Variants in ASNS observed in about 807,000 individuals in gnomAD.
ASNS encodes the protein asparagine synthetase [glutamine-hydrolyzing].
In ASNS, 37 loss-of-function variants were observed where a neutral mutation model predicts 62.6. The observed-to-expected ratio is 0.59, with a 90% CI of 0.45 to 0.78. ASNS has a LOEUF of 0.78. ASNS is among the 30% of genes least tolerant of loss of function. The pLI is 0.00. For missense variants in ASNS, 520 were observed against 682.4 expected (o/e 0.76, Z 2.65); for synonymous variants, 207 against 237.9 (o/e 0.87, Z 1.19).
chr7:97,874,502 T>A (rs1006368730), upstream of ASNS, among the ~76,000 whole-genome samples: 11 of 152,236 alleles, frequency 7.2e-5, no homozygotes, highest in African/African-American at 2.7e-4. Context: ...AGGGAAGTGA[T>A]AAGTTTAGTC....
Position 97,853,142 on chromosome 7 carries a change from C to A in ASNS, c.1394G>T (p.Arg465Leu). The A allele has an allele frequency of 6.2e-7, 1 of 1,611,366 alleles. No individual in the cohort carries two copies. Residue 465 changes from arginine (R) to leucine (L), a missense_variant, in exon 12 of 13, where the codon CGA (arginine) becomes CTA (leucine). Transcript: ENST00000394308. ...SNLIPKEILW[R>L]PKEAFSDGIT... ...TCCATCACTGAAGGCTTCTTTTGGT[C>A]GCCAGAGAATCTCTTTGGGTATCAG... is the stretch of plus-strand genomic sequence containing the variant.
Position 97,855,432 on chromosome 7 carries a change from C to T in ASNS, c.1058G>A (p.Arg353Gln), listed in dbSNP as rs377342766. ...GATCACCACGCTATCTGTGTTCTTC[C>T]GAATATACTTGGAAATTAAATACAT... ...VGMYLISKYI[R>Q]KNTDSVVIFS... is the part of the protein sequence containing the mutation. The change falls in exon 9 of 13, where the codon CGG becomes CAG. Residue 353 changes from arginine (R) to glutamine (Q), a missense_variant. Arg to Gln is a conservative substitution (Grantham distance 43). Coordinates refer to ENST00000394308, the MANE Select transcript of ASNS (RefSeq NM_001673.5). The T allele has an allele frequency of 7.4e-5, 120 of 1,610,822 alleles. No individual in the cohort carries two copies. Among genetic ancestry groups the T allele is most frequent in the Middle Eastern group, 3.9e-4 (2 of 5,190 alleles).
the ASNS span, among the ~76,000 whole-genome samples, chr7:97,894,493 A>G: frequency 1.4e-5 from 2 of 148,134 alleles, no homozygotes; most frequent in African/African-American, 4.9e-5. Context: ...AAAAAAAAAA[A>G]AAAAAAAAAA....
the ASNS span, among the ~76,000 whole-genome samples, chr7:97,882,040 C>T: frequency 1.2e-4 from 18 of 152,064 alleles, no homozygotes; most frequent in African/African-American, 4.3e-4. Context: ...TTAGTAGAAA[C>T]GAGGTCTCGT....
At chr7:97,900,360 C>CAAAAAAAAAA in the ASNS span, among the ~76,000 whole-genome samples, 5 of 89,360 alleles carry the variant, frequency 5.6e-5, no homozygotes, top group Admixed American at 2.5e-4. Context: ...GACTTTGTCT[C>CAAAAAAAAAA]AAAAAAAAAA....
At chr7:97,859,113 T>C in intron 5 of ASNS, 100 bp downstream of exon 5, 1 of 1,470,910 alleles carries the variant, frequency 6.8e-7, no homozygotes, top group Non-Finnish European at 9.2e-7. Flanking sequence ...AAATAGGAAG[T>C]AGGTCTTGAA....
At chr7:97,884,183 C>G in the ASNS span, among the ~76,000 whole-genome samples, 2 of 152,232 alleles carry the variant, frequency 1.3e-5, no homozygotes, top group Middle Eastern at 3.4e-3. Context: ...CCTAGCCCCT[C>G]TCTTTCTCCA....
intron 10 of ASNS, among the ~76,000 whole-genome samples, chr7:97,853,754 C>T (rs1409250270): frequency 1.3e-5 from 2 of 152,092 alleles, no homozygotes; most frequent in Non-Finnish European, 2.9e-5. Flanking sequence ...TAGGTGAGAC[C>T]ATCTCTTCTA....
chr7:97,886,308 C>T, the ASNS span, among the ~76,000 whole-genome samples: 8 of 152,012 alleles, frequency 5.3e-5, no homozygotes, highest in Admixed American at 2.0e-4. Context: ...GCACCATGCC[C>T]GGCTAATTTT....
At position 97,865,532 on chromosome 7, in the gene ASNS, GT is replaced by G. The variant is rs1465481947; in HGVS notation, c.250-1037del. Among the ~76,000 whole-genome samples, 4 of 152,272 alleles carry G rather than the reference GT, an allele frequency of 2.6e-5. 1 individual carries two copies. The highest frequency in any genetic ancestry group is 9.6e-5 in the African/African-American group (4 of 41,554). ...ATAAACTGACATGACCTCTTGTTCT[GT>G]TATGAATGCAGGTAGCTCTAGTCCT... On this transcript the variant is annotated intron_variant, in intron 3 of 12. Transcript: ENST00000394308.
At chr7:97,904,536 C>G in the ASNS span, among the ~76,000 whole-genome samples, 1 of 152,022 alleles carries the variant, frequency 6.6e-6, no homozygotes, top group Non-Finnish European at 1.5e-5. Context: ...AAGCAGGGAA[C>G]AGAGGGAGAA....
At chr7:97,918,398 C>T in the ASNS span, among the ~76,000 whole-genome samples, 75 of 152,096 alleles carry the variant, frequency 4.9e-4, no homozygotes, top group Admixed American at 2.0e-3. Flanking sequence ...ATCAGAACAC[C>T]GTCTGTGATT....
At chr7:97,909,753 C>T in the ASNS span, among the ~76,000 whole-genome samples, 1 of 152,208 alleles carries the variant, frequency 6.6e-6, no homozygotes, top group Non-Finnish European at 1.5e-5. Flanking sequence ...ACGCTTTTGG[C>T]AGCTCTGCTG....
At chr7:97,878,046 G>A in the ASNS span, among the ~76,000 whole-genome samples, 14 of 152,296 alleles carry the variant, frequency 9.2e-5, no homozygotes, top group African/African-American at 2.4e-4. Flanking sequence ...GGTTGTGAGC[G>A]CCAGGTGATG....
In ASNS at chr7:97,864,426, T is replaced by C. The variant is rs986092132; in HGVS notation, c.320A>G (p.Lys107Arg). ...ACAAATTGTTTGCTCAATTCCTCCT[T>C]TGTCATAAAGATGAAGGATTATCTC... ...DGEIILHLYD[K>R]GGIEQTICML... The change falls in exon 4 of 13, where the codon AAA becomes AGA. Residue 107 changes from lysine (K) to arginine (R), a missense_variant. Physicochemically the swap from Lys to Arg is conservative, Grantham distance 26 (BLOSUM62 2). Coordinates refer to ENST00000394308, the MANE Select transcript of ASNS (RefSeq NM_001673.5). 1.2e-6 allele frequency: 2 copies of C among 1,613,838 alleles called. No homozygotes were observed. The highest frequency in any genetic ancestry group is 1.3e-5 in the African/African-American group (1 of 74,914).
the ASNS span, chr7:97,898,890 C>T: frequency 2.4e-6 from 3 of 1,238,758 alleles, no homozygotes; most frequent in Admixed American, 1.7e-5. Flanking sequence ...AATGCAACTT[C>T]ATCATTCTGC....
Position 97,859,273 on chromosome 7 carries a change from G to A in ASNS, c.613C>T (p.His205Tyr), listed in dbSNP as rs1258978380. The A allele has an allele frequency of 9.9e-6, 16 of 1,614,106 alleles. No individual in the cohort carries two copies. The highest frequency in any genetic ancestry group is 1.3e-5 in the Non-Finnish European group (15 of 1,180,000). Residue 205 changes from histidine to tyrosine, a missense_variant, in exon 5 of 13, where the codon CAT becomes TAT. Coordinates refer to ENST00000394308, the MANE Select transcript of ASNS (RefSeq NM_001673.5). ...TGCAGGGGTACATCCCGACAGTGATGATATTTAACCATTTCCACGGATGCA... is the reference window on the plus strand; with the variant it reads ...TGCAGGGGTACATCCCGACAGTGATAATATTTAACCATTTCCACGGATGCA... Reference protein sequence around the residue: ...KVASVEMVKYHHCRDVPLHAL... With the variant: ...KVASVEMVKYYHCRDVPLHAL...
upstream of ASNS, among the ~76,000 whole-genome samples, chr7:97,875,613 C>T (rs570668187): frequency 2.6e-5 from 4 of 152,338 alleles, no homozygotes; most frequent in East Asian, 7.7e-4. Flanking sequence ...AGCCTCTTAA[C>T]ACTTCCACCT....
chr7:97,858,302 G>T lies in ASNS; in HGVS notation c.879C>A (p.Ser293Arg), dbSNP rs1313397179. 2 of 1,613,358 alleles carry T rather than the reference G, an allele frequency of 1.2e-6. No homozygotes were observed. Among genetic ancestry groups the T allele is most frequent in the Admixed American group, 1.7e-5 (1 of 60,022 alleles). The change falls in exon 7 of 13, where the codon AGC (serine) becomes AGA (arginine). Residue 293 changes from serine (S) to arginine (R), a missense_variant. Coordinates refer to ENST00000394308, the MANE Select transcript of ASNS (RefSeq NM_001673.5). ...LQTFAIGMED[S>R]PDLLAARKVA... ...CCTTTCTAGCAGCCAGTAAATCGGG[G>T]CTGTCTTCCATGCCAATTGCAAATG...
Sources: allele counts gnomAD v4.1 joint callset (sites outside exome capture counted in the v4.1 genomes callset), GRCh38; gene constraint gnomAD v4.1.1; transcripts MANE v1.5; gene names NCBI Gene and HGNC (gene_info 2026-07-23, HGNC 2026-07-21).